COG5: variants seen among roughly 807,000 people sequenced by gnomAD.
COG5 encodes the protein component of oligomeric golgi complex 5, also known as conserved oligomeric Golgi complex subunit 5.
COG5 carries 86 observed loss-of-function variants against 110.4 expected under a neutral mutation model. That is an observed-to-expected ratio of 0.78 (90% CI 0.65 to 0.93). The LOEUF (loss-of-function observed/expected upper bound fraction) is 0.93, where lower values mean the gene tolerates loss of function less well. Among genes scored for constraint, COG5 ranks in the 40% least tolerant of loss-of-function variants. The pLI, the probability that COG5 is intolerant of heterozygous loss-of-function variation, is 0.00. For missense variants in COG5, 1,077 were observed against 987.0 expected (o/e 1.09, Z -1.22); for synonymous variants, 360 against 334.6 (o/e 1.08, Z -0.83).
chr7:107,465,273 G>T (rs1293717803), intron 6 of COG5, among the ~76,000 whole-genome samples: 4 of 152,262 alleles, frequency 2.6e-5, no homozygotes, highest in African/African-American at 9.6e-5. Flanking sequence ...TAGTAAAGTT[G>T]CAGGATATGA....
intron 6 of COG5, among the ~76,000 whole-genome samples, chr7:107,427,701 G>A (rs968770334): frequency 3.1e-4 from 47 of 152,204 alleles, no homozygotes; most frequent in African/African-American, 1.1e-3. Flanking sequence ...ACTGGGCTGT[G>A]CCTTGCTCGT....
chr7:107,222,762 T>C (rs1800033140), intron 19 of COG5, among the ~76,000 whole-genome samples: 1 of 152,206 alleles, frequency 6.6e-6, no homozygotes, highest in Non-Finnish European at 1.5e-5. Flanking sequence ...AATAAGGTGT[T>C]ATAAAATGCA....
chr7:107,339,114 T>C (rs11769861), intron 10 of COG5, among the ~76,000 whole-genome samples: 23,815 of 150,490 alleles, frequency 0.16, 2,328 homozygotes, highest in Non-Finnish European at 0.22. Flanking sequence ...TTCATCTATC[T>C]GCTATCTTCA....
intron 7 of COG5, among the ~76,000 whole-genome samples, chr7:107,397,604 T>C (rs144346869): frequency 6.6e-6 from 1 of 152,360 alleles, no homozygotes; most frequent in Non-Finnish European, 1.5e-5. Flanking sequence ...GTGACTACTG[T>C]ATCAACTCAT....
chr7:107,287,006 T>C (rs1047511280), intron 12 of COG5, among the ~76,000 whole-genome samples: 3 of 152,174 alleles, frequency 2.0e-5, no homozygotes, highest in African/African-American at 7.2e-5. Flanking sequence ...GGGAATAACA[T>C]ACGAGAAGCA....
At chr7:107,421,952 A>G (rs1225841578) in intron 6 of COG5, among the ~76,000 whole-genome samples, 2 of 152,218 alleles carry the variant, frequency 1.3e-5, no homozygotes, top group Non-Finnish European at 2.9e-5. Context: ...CAACCAACGC[A>G]GCAGTTAAGA....
chr7:107,323,008 C>T (rs1809438880), intron 11 of COG5, among the ~76,000 whole-genome samples: 1 of 152,100 alleles, frequency 6.6e-6, no homozygotes, highest in Admixed American at 6.5e-5. Flanking sequence ...AGCAGATAAA[C>T]TGCAAAAGTA....
At chr7:107,494,303 CAT>C (rs1352563456) in intron 6 of COG5, among the ~76,000 whole-genome samples, 1 of 152,124 alleles carries the variant, frequency 6.6e-6, no homozygotes, top group Non-Finnish European at 1.5e-5. Context: ...ACTGGTCAGG[CAT>C]AGTTTCCAGC....
intron 7 of COG5, among the ~76,000 whole-genome samples, chr7:107,382,289 G>A (rs1388905721): frequency 1.3e-5 from 2 of 152,196 alleles, no homozygotes; most frequent in African/African-American, 4.8e-5. Flanking sequence ...CCATGGTTGG[G>A]CTCGGCTTTA....
chr7:107,307,300 C>A (rs1453394384), intron 11 of COG5, among the ~76,000 whole-genome samples: 1 of 152,138 alleles, frequency 6.6e-6, no homozygotes, highest in Non-Finnish European at 1.5e-5. Flanking sequence ...CTGTCCATGA[C>A]CCCATTCTTT....
intron 7 of COG5, among the ~76,000 whole-genome samples, chr7:107,405,920 C>T (rs1791800425): frequency 6.6e-6 from 1 of 152,166 alleles, no homozygotes; most frequent in East Asian, 1.9e-4. Flanking sequence ...AGAATGTTGG[C>T]CCTCAGTAGA....
chr7:107,515,366 A>T (rs1799845899), intron 6 of COG5, among the ~76,000 whole-genome samples: 1 of 152,232 alleles, frequency 6.6e-6, no homozygotes. Context: ...AGCCAAGAAC[A>T]TTAAAAAAAA....
At chr7:107,407,157 C>T (rs897111257) in intron 7 of COG5, among the ~76,000 whole-genome samples, 1 of 151,852 alleles carries the variant, frequency 6.6e-6, no homozygotes, top group East Asian at 1.9e-4. Flanking sequence ...AGAGGCGGGT[C>T]GATCATCTGA....
chr7:107,509,693 G>T (rs1033462716), intron 6 of COG5, among the ~76,000 whole-genome samples: 2 of 151,598 alleles, frequency 1.3e-5, no homozygotes, highest in African/African-American at 2.4e-5. Flanking sequence ...GACTAACAGC[G>T]GATCTCTCGG....
At chr7:107,465,934 C>T (rs2129104513) in intron 6 of COG5, among the ~76,000 whole-genome samples, 1 of 152,194 alleles carries the variant, frequency 6.6e-6, no homozygotes, top group South Asian at 2.1e-4. Flanking sequence ...CAGCACAAAA[C>T]AGGGGACTTG....
At chr7:107,270,237 C>G (rs1804135376) in intron 14 of COG5, among the ~76,000 whole-genome samples, 1 of 148,298 alleles carries the variant, frequency 6.7e-6, no homozygotes, top group Non-Finnish European at 1.5e-5. Context: ...CGGTTCTTAG[C>G]AAAGATAGTA....
intron 10 of COG5, among the ~76,000 whole-genome samples, chr7:107,359,097 C>G (rs1812878402): frequency 6.6e-6 from 1 of 152,112 alleles, no homozygotes; most frequent in South Asian, 2.1e-4. Context: ...GGGACCCTGC[C>G]CTCATGGCTA....
At chr7:107,529,496 G>A (rs1801021139) in intron 5 of COG5, among the ~76,000 whole-genome samples, 1 of 152,130 alleles carries the variant, frequency 6.6e-6, no homozygotes, top group Non-Finnish European at 1.5e-5. Context: ...ACCTTCCGGG[G>A]GCACTCCACC....
At chr7:107,394,260 G>T (rs1165919081) in intron 7 of COG5, among the ~76,000 whole-genome samples, 2 of 150,178 alleles carry the variant, frequency 1.3e-5, no homozygotes, top group Non-Finnish European at 2.9e-5. Flanking sequence ...ACCATGCCTG[G>T]CCAGAAAAGA....
Sources: allele counts gnomAD v4.1 joint callset (sites outside exome capture counted in the v4.1 genomes callset), GRCh38; gene constraint gnomAD v4.1.1; transcripts MANE v1.5; gene names NCBI Gene and HGNC (gene_info 2026-07-23, HGNC 2026-07-21).